Variants in MED13L observed in about 807,000 individuals in gnomAD.
The protein encoded by MED13L is mediator of RNA polymerase II transcription subunit 13-like.
Under a neutral mutation model 220.9 loss-of-function variants are expected in MED13L, and 7 were observed. The observed-to-expected ratio is 0.03, with a 90% confidence interval of 0.02 to 0.06. The LOEUF (loss-of-function observed/expected upper bound fraction) is 0.06. Among genes scored for constraint, MED13L ranks in the 10% least tolerant of loss-of-function variants. MED13L has a pLI of 1.00. For missense variants in MED13L, 1,965 were observed against 2,760.5 expected, an observed-to-expected ratio of 0.71 and a Z score of 6.46; for synonymous variants, 1,011 against 1,015.2, an observed-to-expected ratio of 1.00 and a Z score of 0.08.
intron 17 of MED13L, among the ~76,000 whole-genome samples, chr12:115,988,580 A>G (rs1450169946): frequency 6.6e-6 from 1 of 152,228 alleles, no homozygotes; most frequent in Non-Finnish European, 1.5e-5. Context: ...CAAGAGAACC[A>G]CAGATTTGAG....
intron 28 of MED13L, among the ~76,000 whole-genome samples, chr12:115,968,065 C>T (rs904926548): frequency 1.1e-4 from 15 of 138,408 alleles, no homozygotes; most frequent in East Asian, 8.9e-4. Context: ...CCCCCCCCCC[C>T]CCGATGAAAA....
At chr12:116,036,606 C>T (rs566585349) in intron 4 of MED13L, among the ~76,000 whole-genome samples, 3 of 152,308 alleles carry the variant, frequency 2.0e-5, no homozygotes, top group South Asian at 2.1e-4. Flanking sequence ...AAAATGCATT[C>T]GGATAATTGT....
chr12:116,205,867 A>C (rs1882283587), intron 2 of MED13L, among the ~76,000 whole-genome samples: 1 of 151,732 alleles, frequency 6.6e-6, no homozygotes, highest in Admixed American at 6.6e-5. Flanking sequence ...TAACTTCTTC[A>C]TTAAAATATA....
chr12:116,026,930 T>G (rs1880427029), intron 4 of MED13L, among the ~76,000 whole-genome samples: 1 of 151,980 alleles, frequency 6.6e-6, no homozygotes. Context: ...CCTGCAGCCA[T>G]GTAAAAGGAA....
chr12:115,984,406 G>A, intron 19 of MED13L, 34 bp from the exon 20 acceptor site: 1 of 1,609,668 alleles, frequency 6.2e-7, no homozygotes, highest in East Asian at 2.2e-5. Flanking sequence ...AGTTATAACA[G>A]GAGCCATTCC....
chr12:115,990,998 A>C, intron 17 of MED13L, 22 bp downstream of exon 17: 1 of 1,609,154 alleles, frequency 6.2e-7, no homozygotes, highest in Non-Finnish European at 8.5e-7. Flanking sequence ...CTCAAAGTAA[A>C]TTTGTGTTCT....
chr12:116,143,137 T>C (rs963042811), intron 2 of MED13L, among the ~76,000 whole-genome samples: 3 of 152,172 alleles, frequency 2.0e-5, no homozygotes, highest in South Asian at 2.1e-4. Context: ...TGGTTTATTT[T>C]CTTTACTGTT....
At chr12:116,236,117 G>C (rs1035135877) in intron 2 of MED13L, among the ~76,000 whole-genome samples, 1 of 152,132 alleles carries the variant, frequency 6.6e-6, no homozygotes, top group African/African-American at 2.4e-5. Flanking sequence ...CAGATGTTCT[G>C]AAACTCTAAT....
At chr12:116,052,731 T>A (rs994911293) in intron 4 of MED13L, among the ~76,000 whole-genome samples, 6 of 152,204 alleles carry the variant, frequency 3.9e-5, no homozygotes, top group South Asian at 2.1e-4. Flanking sequence ...ACTGCTTATA[T>A]CCTCAGTCTC....
intron 4 of MED13L, among the ~76,000 whole-genome samples, chr12:116,058,208 A>G (rs1869132524): frequency 6.6e-6 from 1 of 152,320 alleles, no homozygotes; most frequent in Admixed American, 6.5e-5. Flanking sequence ...AAAGTTCTAA[A>G]TGAAATGCAT....
At chr12:116,199,463 A>G (rs1881858508) in intron 2 of MED13L, among the ~76,000 whole-genome samples, 2 of 152,206 alleles carry the variant, frequency 1.3e-5, no homozygotes, top group African/African-American at 4.8e-5. Context: ...GTCCTTATTT[A>G]GGAATACTAA....
At chr12:116,007,764 T>C (rs1476868020) in intron 10 of MED13L, 128 bp from the exon 11 acceptor site, 2 of 770,576 alleles carry the variant, frequency 2.6e-6, no homozygotes, top group African/African-American at 1.8e-5. Flanking sequence ...TTTATATTCA[T>C]GATTAAATAA....
At chr12:116,022,732 A>C (rs1880134974) in intron 4 of MED13L, 131 bp from the exon 5 acceptor site, 3 of 947,158 alleles carry the variant, frequency 3.2e-6, no homozygotes, top group Non-Finnish European at 4.9e-6. Flanking sequence ...TTGTGGGCAA[A>C]AGAGAAACTT....
chr12:115,971,216 A>G (rs1876560584), intron 26 of MED13L, among the ~76,000 whole-genome samples: 1 of 152,226 alleles, frequency 6.6e-6, no homozygotes, highest in Admixed American at 6.5e-5. Context: ...CATTCAAGTC[A>G]TCGCATTTGA....
chr12:116,036,549 A>T (rs2137523954), intron 4 of MED13L, among the ~76,000 whole-genome samples: 2 of 152,306 alleles, frequency 1.3e-5, no homozygotes, highest in Middle Eastern at 3.4e-3. Context: ...ATATTAATAC[A>T]CTCCTTTTCA....
Position 116,148,050 on chromosome 12 carries a change from T to A in MED13L, c.311-36538A>T, listed in dbSNP as rs1244960055. 9.7e-4 allele frequency among the ~76,000 whole-genome samples: 13 copies of A among 13,356 alleles called. No homozygotes were observed. In the East Asian group the frequency reaches 0.021, roughly 21 times the overall value. The allele number at this position is 13,356 out of a possible 152,430, so 8.8% of individuals were successfully genotyped here. ...TTGGGCTACAGAGCAAGACCCCATC[T>A]CAAAAAAAAAAAAAAAAAAAAAAAG... is the stretch of plus-strand genomic sequence containing the variant. On this transcript the variant is annotated intron_variant, in intron 2 of 30. Transcript: ENST00000281928.
intron 19 of MED13L, among the ~76,000 whole-genome samples, chr12:115,984,824 C>A (rs143781456): frequency 1.3e-5 from 2 of 151,834 alleles, no homozygotes; most frequent in African/African-American, 2.4e-5. Flanking sequence ...ATTTGGAGAT[C>A]ACCAATAGCA....
At chr12:116,205,158 T>G (rs1334398842) in intron 2 of MED13L, among the ~76,000 whole-genome samples, 2 of 152,138 alleles carry the variant, frequency 1.3e-5, no homozygotes, top group East Asian at 3.9e-4. Flanking sequence ...CGGTGCCTAT[T>G]AAAGAGAAAG....
rs1438298888 is a variant in MED13L, at chr12:115,964,644, GTCA to G, written c.6388-1128_6388-1126del. On this transcript the variant is annotated intron_variant, in intron 29 of 30. Coordinates refer to ENST00000281928, the MANE Select transcript of MED13L (RefSeq NM_015335.5). Reference sequence around the variant, plus strand: ...CAAGGATTTGTTTCATTCTATCACTGTCATCATTTTTTTTAATGATCACACTGT... The same window carrying G: ...CAAGGATTTGTTTCATTCTATCACTGTCATTTTTTTTAATGATCACACTGT... 3.9e-5 allele frequency among the ~76,000 whole-genome samples: 6 copies of G among 152,052 alleles called. No homozygotes were observed. The East Asian group carries it at 1.2e-3, about 29-fold the overall frequency.
Sources: gnomAD v4.1 joint callset for allele counts (sites outside exome capture counted in the v4.1 genomes callset) on GRCh38, gnomAD v4.1.1 for gene constraint, MANE v1.5 for transcripts, NCBI Gene and HGNC (gene_info 2026-07-23, HGNC 2026-07-21) for gene names.